Variants in CARMIL1 observed in about 807,000 individuals in gnomAD.
CARMIL1 encodes F-actin-uncapping protein LRRC16A.
Under a neutral mutation model 177.1 loss-of-function variants are expected in CARMIL1, and 90 were observed. That is an observed-to-expected ratio of 0.51 (90% CI 0.43 to 0.61). The LOEUF is 0.61. Among genes scored for constraint, CARMIL1 ranks in the 20% least tolerant of loss-of-function variants. CARMIL1 has a pLI of 0.00. For synonymous variants in CARMIL1, 577 were observed against 606.2 expected (o/e 0.95, Z 0.71); for missense variants, 1,380 against 1,667.0 (o/e 0.83, Z 3.00).
intron 2 of CARMIL1, among the ~76,000 whole-genome samples, chr6:25,288,835 A>C (rs2744288): frequency 0.72 from 109,520 of 152,138 alleles, 40,033 homozygotes; most frequent in African/African-American, 0.84. Context: ...TGCTCTCCTC[A>C]AGTGAAATCA....
chr6:25,446,234 T>C (rs1222730311), intron 5 of CARMIL1, among the ~76,000 whole-genome samples: 1 of 152,208 alleles, frequency 6.6e-6, no homozygotes, highest in Non-Finnish European at 1.5e-5. Context: ...AAGCCTGCCA[T>C]TGACTTCTCC....
At chr6:25,447,442 A>G (rs1252444155) in intron 5 of CARMIL1, among the ~76,000 whole-genome samples, 1 of 152,242 alleles carries the variant, frequency 6.6e-6, no homozygotes, top group African/African-American at 2.4e-5. Flanking sequence ...ATTTTCTTCC[A>G]GTCTCTGCAA....
intron 2 of CARMIL1, among the ~76,000 whole-genome samples, chr6:25,364,280 TTG>T (rs547444910): frequency 5.0e-4 from 76 of 152,202 alleles, no homozygotes; most frequent in Middle Eastern, 6.8e-3. Flanking sequence ...CACATTCTTT[TTG>T]TGTGTGTGTA....
At chr6:25,457,084 A>G (rs147919169) in intron 8 of CARMIL1, among the ~76,000 whole-genome samples, 335 of 151,822 alleles carry the variant, frequency 2.2e-3, no homozygotes, top group South Asian at 0.013. Flanking sequence ...TCATTCCTGA[A>G]TTTCTCGAAA....
chr6:25,404,070 G>T (rs1794129695), intron 2 of CARMIL1, among the ~76,000 whole-genome samples: 2 of 152,196 alleles, frequency 1.3e-5, no homozygotes, highest in African/African-American at 4.8e-5. Context: ...GAGTCAGGAA[G>T]ACACATCCTC....
chr6:25,365,817 C>T (rs1450525496), intron 2 of CARMIL1, among the ~76,000 whole-genome samples: 1 of 152,170 alleles, frequency 6.6e-6, no homozygotes, highest in Non-Finnish European at 1.5e-5. Context: ...TTCCAAAATG[C>T]TAGGATTACA....
At position 25,558,582 on chromosome 6, in the gene CARMIL1, A is replaced by G. The variant is rs1249610291; in HGVS notation, c.2742+1732A>G. Among the ~76,000 whole-genome samples the G allele has an allele frequency of 6.6e-6, 1 of 152,254 alleles. No individual in the cohort carries two copies. Among genetic ancestry groups the G allele is most frequent in the Non-Finnish European group, 1.5e-5 (1 of 68,054 alleles). On this transcript the variant is annotated intron_variant, in intron 29 of 36. Coordinates refer to ENST00000329474, the MANE Select transcript of CARMIL1 (RefSeq NM_017640.6). This position sits in a 1 kb window ranked among gnomAD's most constrained non-coding sequence, Gnocchi z 4.1. ...CTCAGAACTTAAGGGACAGGCCTGC[A>G]GCAGGCACAGCCCCTGTGAGTCAGC...
At chr6:25,539,858 A>G (rs1224613288) in intron 25 of CARMIL1, 89 bp from the exon 26 acceptor site, 6 of 984,806 alleles carry the variant, frequency 6.1e-6, no homozygotes, top group East Asian at 2.8e-5. Flanking sequence ...CCCTAACAGT[A>G]TTCCTTCACC....
At chr6:25,296,552 T>C (rs1782377048) in intron 2 of CARMIL1, among the ~76,000 whole-genome samples, 2 of 152,218 alleles carry the variant, frequency 1.3e-5, no homozygotes, top group African/African-American at 4.8e-5. Flanking sequence ...GACGCCCAGA[T>C]GCGGGGAAGT....
intron 2 of CARMIL1, among the ~76,000 whole-genome samples, chr6:25,377,949 G>A (rs1055128727): frequency 6.6e-6 from 1 of 152,158 alleles, no homozygotes; most frequent in African/African-American, 2.4e-5. Context: ...GGGCTATAGA[G>A]CTCCGAAAAG....
At chr6:25,504,057 T>C (rs1804686347) in intron 17 of CARMIL1, among the ~76,000 whole-genome samples, 1 of 152,178 alleles carries the variant, frequency 6.6e-6, no homozygotes, top group African/African-American at 2.4e-5. Context: ...CTTGATGTCA[T>C]CTTATATTTA....
rs1794168165 is a variant in CARMIL1 at position 25,404,381 on chromosome 6, ATGTTTGTTTG to A, written c.139-15732_139-15723del. Among the ~76,000 whole-genome samples, 4 of 152,316 alleles carry A rather than the reference ATGTTTGTTTG, an allele frequency of 2.6e-5. No individual in the cohort carries two copies. The South Asian group carries it at 6.2e-4, about 24-fold the overall frequency. On this transcript the variant is annotated intron_variant, in intron 2 of 36. Coordinates refer to ENST00000329474, the MANE Select transcript of CARMIL1 (RefSeq NM_017640.6). ...TTTGCAGCAGGGCTGCTTTGGGTAT[ATGTTTGTTTG>A]AACGGGGTAGGGACAGTGGATGAAG...
chr6:25,441,351 G>GTGTGTGTGTGTGTGTGTGTT (rs1562140427), intron 5 of CARMIL1, among the ~76,000 whole-genome samples: 3 of 133,440 alleles, frequency 2.2e-5, no homozygotes, highest in Non-Finnish European at 4.9e-5. Flanking sequence ...GTGTGTGTGT[G>GTGTGTGTGTGTGTGTGTGTT]TGTGTGTGTG....
At chr6:25,321,352 G>C (rs1292511711) in intron 2 of CARMIL1, among the ~76,000 whole-genome samples, 1 of 152,152 alleles carries the variant, frequency 6.6e-6, no homozygotes, top group Non-Finnish European at 1.5e-5. Flanking sequence ...TGGATGTTCT[G>C]GTGAGCGCTG....
At chr6:25,531,142 A>G (rs1807728075) in intron 24 of CARMIL1, among the ~76,000 whole-genome samples, 2 of 152,228 alleles carry the variant, frequency 1.3e-5, no homozygotes, top group South Asian at 4.1e-4. Context: ...AAAAATAAGT[A>G]TCCTATTTAA....
intron 2 of CARMIL1, among the ~76,000 whole-genome samples, chr6:25,370,328 G>A (rs1468868382): frequency 6.6e-6 from 1 of 152,126 alleles, no homozygotes; most frequent in African/African-American, 2.4e-5. Context: ...GGGGTAGGCG[G>A]GGGAAGGTGC....
Position 25,554,078 on chromosome 6 carries a change from A to C in CARMIL1, c.2574A>C (p.Ser858=), listed in dbSNP as rs578149883. ...RIVDEILDAL[S]HCHHKLADHF... is the part of the protein sequence containing the mutation. ...TGGATGAAATCCTGGATGCACTCTC[A>C]CATTGCCATCATAAACTGGTGAGTG... The change falls in exon 28 of 37, where the codon TCA becomes TCC. Residue 858 remains serine (S), a synonymous_variant. Coordinates refer to ENST00000329474, the MANE Select transcript of CARMIL1 (RefSeq NM_017640.6). The surrounding 1 kb of genome is among the most constrained non-coding windows in gnomAD (Gnocchi z 4.6). The C allele has an allele frequency of 1.8e-5, 28 of 1,595,386 alleles. No individual in the cohort carries two copies. Among genetic ancestry groups the C allele is most frequent in the African/African-American group, 2.7e-5 (2 of 74,782 alleles).
chr6:25,345,753 C>A (rs2690094), intron 2 of CARMIL1, among the ~76,000 whole-genome samples: 127,700 of 152,044 alleles, frequency 0.84, 53,827 homozygotes, highest in African/African-American at 0.87. Flanking sequence ...AGTAGCTGGG[C>A]TTACAGGTGC....
At position 25,335,972 on chromosome 6, in the gene CARMIL1, T is replaced by C. The variant is rs180792821; in HGVS notation, c.138+51063T>C. ...TTACTGTGTTGGCCATTGTTACTGCTCTGTTACTGTGCTGGCCCAATGAAA... is the reference window on the plus strand; with the variant it reads ...TTACTGTGTTGGCCATTGTTACTGCCCTGTTACTGTGCTGGCCCAATGAAA... On this transcript the variant is annotated intron_variant, in intron 2 of 36. Coordinates refer to ENST00000329474, the MANE Select transcript of CARMIL1 (RefSeq NM_017640.6). Among the ~76,000 whole-genome samples, 355 of 152,324 alleles carry C rather than the reference T, an allele frequency of 2.3e-3. 5 individuals are homozygous for C. The highest frequency in any genetic ancestry group is 7.7e-4 in the East Asian group (4 of 5,180).
Sources: allele counts gnomAD v4.1 joint callset (sites outside exome capture counted in the v4.1 genomes callset), GRCh38; gene constraint gnomAD v4.1.1; non-coding constraint Gnocchi (gnomAD v3.1); transcripts MANE v1.5; gene names NCBI Gene and HGNC (gene_info 2026-07-23, HGNC 2026-07-21).